VPS13C: variants seen among roughly 807,000 people sequenced by gnomAD.
VPS13C encodes the protein intermembrane lipid transfer protein VPS13C.
A neutral mutation model predicts 456.8 loss-of-function variants in VPS13C; 358 were observed. The ratio of observed to expected loss-of-function variants is 0.78; its 90% CI spans 0.72 to 0.86. The LOEUF (loss-of-function observed/expected upper bound fraction) is 0.86, where lower values mean the gene tolerates loss of function less well. Among genes scored for constraint, VPS13C ranks in the 40% least tolerant of loss-of-function variants. VPS13C has a pLI of 0.00. For missense variants in VPS13C, 4,818 were observed against 4,385.4 expected (o/e 1.10, Z -2.79); for synonymous variants, 1,578 against 1,486.7 (o/e 1.06, Z -1.41).
In VPS13C at chr15:61,876,062, G is replaced by A. The variant is rs150496964; in HGVS notation, c.10225-217C>T. Among the ~76,000 whole-genome samples the A allele has an allele frequency of 0.034, 5,170 of 152,086 alleles. 105 individuals are homozygous for A. Among genetic ancestry groups the A allele is most frequent in the Middle Eastern group, 0.054 (16 of 294 alleles). ...TAAATTAGACAGAACTAGGTTTGAC[G>A]CACAGGCTGCCACGTAGCAGTTATG... On this transcript the variant is annotated intron_variant, in intron 75 of 84. Transcript: ENST00000644861.
chr15:62,033,449 G>A lies in VPS13C; in HGVS notation c.377C>T (p.Ala126Val). ...SRIEEALQKA[A>V]EKGTHSGEFI... ...TCAAAAAAACTTTTTACCTTTTTCT[G>A]CTGCTTTTTGAAGGGCTTCTTCAAT... The change falls in exon 5 of 85, where the codon GCA becomes GTA. Residue 126 changes from alanine (A) to valine (V), a missense_variant. Physicochemically the swap from Ala to Val is moderately conservative, Grantham distance 64 (BLOSUM62 0). This residue lies in a region of VPS13C where 4,552 missense variants were observed against 4,130.6 expected (regional missense o/e 1.10). Coordinates refer to ENST00000644861, the MANE Select transcript of VPS13C (RefSeq NM_020821.3). 6.3e-7 allele frequency: 1 copy of A among 1,597,286 alleles called. No homozygotes were observed. The highest frequency in any genetic ancestry group is 1.7e-4 in the Middle Eastern group (1 of 5,932).
In VPS13C at chr15:61,970,494, T is replaced by G. The variant is rs145474551; in HGVS notation, c.2758-1042A>C. Among the ~76,000 whole-genome samples the G allele has an allele frequency of 1.5e-4, 23 of 152,232 alleles. No individual in the cohort carries two copies. The East Asian group carries it at 4.4e-3, about 29-fold the overall frequency. On this transcript the variant is annotated intron_variant, in intron 27 of 84. Transcript: ENST00000644861. ...TATAATTACATACTTAGGTAACACT[T>G]TAAAAATACTTAAAGAAGAGGCCAA...
At chr15:61,990,096 T>C (rs1029385627) in intron 18 of VPS13C, among the ~76,000 whole-genome samples, 1 of 152,180 alleles carries the variant, frequency 6.6e-6, no homozygotes, top group Non-Finnish European at 1.5e-5. Context: ...ACAACAGGGA[T>C]GAATCTCACA....
chr15:61,875,564 A>T (rs1474608273), intron 76 of VPS13C, among the ~76,000 whole-genome samples, 168 bp downstream of exon 76: 2 of 152,068 alleles, frequency 1.3e-5, no homozygotes, highest in Non-Finnish European at 2.9e-5. Flanking sequence ...ACAATCATCC[A>T]ATGTTATCTC....
Position 61,854,055 on chromosome 15 carries a change from A to C in VPS13C, c.*402T>G, listed in dbSNP as rs533269965. The C allele has an allele frequency of 6.1e-3, 1,042 of 171,206 alleles. 7 individuals are homozygous for C. Among genetic ancestry groups the C allele is most frequent in the South Asian group, 0.03 (221 of 7,294 alleles). The allele number at this position is 171,206 out of a possible 1,614,324, so 10.6% of individuals were successfully genotyped here. The stretch of plus-strand genomic sequence containing the variant: ...AGACTCGGTCTCAAAAAAAAAAAAA[A>C]CCCCAAAAAAACAAAAATAAAAAAA... On this transcript the variant is annotated 3_prime_UTR_variant, in exon 85 of 85. Transcript: ENST00000644861.
At chr15:61,996,203 G>C (rs572666829) in intron 16 of VPS13C, among the ~76,000 whole-genome samples, 1 of 152,272 alleles carries the variant, frequency 6.6e-6, no homozygotes, top group Non-Finnish European at 1.5e-5. Context: ...TTAGCCACAT[G>C]AACTAATATG....
At chr15:61,873,201 T>C in intron 78 of VPS13C, 45 bp downstream of exon 78, 1 of 1,610,024 alleles carries the variant, frequency 6.2e-7, no homozygotes. Flanking sequence ...AGAATACACT[T>C]TTTTTTAAGT....
chr15:62,028,739 C>A (rs2047720370), intron 5 of VPS13C, among the ~76,000 whole-genome samples: 1 of 152,036 alleles, frequency 6.6e-6, no homozygotes, highest in Non-Finnish European at 1.5e-5. Flanking sequence ...CAAAAATCCA[C>A]TATTTTGGTT....
At chr15:61,995,429 G>T (rs1226248874) in intron 16 of VPS13C, among the ~76,000 whole-genome samples, 2 of 152,138 alleles carry the variant, frequency 1.3e-5, no homozygotes, top group African/African-American at 4.8e-5. Context: ...CCTTGAGCAT[G>T]GGCATGACTT....
At position 61,974,306 on chromosome 15, in the gene VPS13C, G is replaced by A; in HGVS notation, c.2520C>T (p.Ala840=). 6.2e-7 allele frequency: 1 copy of A among 1,611,228 alleles called. No individual in the cohort carries two copies. Among genetic ancestry groups the A allele is most frequent in the Non-Finnish European group, 8.5e-7 (1 of 1,178,332 alleles). ...TATTTACCTGTCTCTCTGGAGACTG[G>A]GCTGATGATTTCTGTGGCAAAGGTA... ...NSIPLPQKSS[A]QSPERQVSSI... is the part of the protein sequence containing the mutation. The change falls in exon 25 of 85, where the codon GCC becomes GCT. Residue 840 remains alanine (A), a synonymous_variant. Coordinates refer to ENST00000644861, the MANE Select transcript of VPS13C (RefSeq NM_020821.3).
In VPS13C at chr15:61,875,863, T is replaced by A. The variant is rs774825147; in HGVS notation, c.10225-18A>T. ...TTCAAGAACTAAAAAAGAAAAAAAA[T>A]TAAATTAAGTCCTTCACAACTATTG... On this transcript the variant is annotated intron_variant, in intron 75 of 84. Transcript: ENST00000644861. 1 of 1,452,554 alleles carries A rather than the reference T, an allele frequency of 6.9e-7. No individual in the cohort carries two copies. Among genetic ancestry groups the A allele is most frequent in the Non-Finnish European group, 9.4e-7 (1 of 1,065,808 alleles). The allele number at this position is 1,452,554 out of a possible 1,614,324, so 90.0% of individuals were successfully genotyped here.
At chr15:61,980,235 G>T (rs1171906200) in intron 22 of VPS13C, among the ~76,000 whole-genome samples, 3 of 144,856 alleles carry the variant, frequency 2.1e-5, no homozygotes, top group African/African-American at 7.6e-5. Context: ...ATGAAACATG[G>T]CTTTCCCAGT....
chr15:61,994,080 C>A lies in VPS13C; in HGVS notation c.1354-2278G>T, dbSNP rs546004275. 1.3e-3 allele frequency among the ~76,000 whole-genome samples: 204 copies of A among 152,236 alleles called. 1 individual carries two copies. The highest frequency in any genetic ancestry group is 4.7e-3 in the African/African-American group (195 of 41,538). ...ACCCCCTTGGTGCCTTCACTTCCTT[C>A]TCTGTCCAACTAAGTTGCCCATGGT... On this transcript the variant is annotated intron_variant, in intron 16 of 84. Transcript: ENST00000644861.
At chr15:61,940,852 T>G in intron 46 of VPS13C, 58 bp from the exon 47 acceptor site, 1 of 1,515,072 alleles carries the variant, frequency 6.6e-7, no homozygotes, top group African/African-American at 1.4e-5. Context: ...AAATGAGGAC[T>G]ATCCTATTGT....
intron 3 of VPS13C, among the ~76,000 whole-genome samples, chr15:62,041,078 C>A (rs573267780): frequency 2.0e-5 from 3 of 152,154 alleles, no homozygotes; most frequent in South Asian, 2.1e-4. Context: ...TGTGGTGGAA[C>A]CAAAGCCTGA....
chr15:62,041,216 A>G, intron 3 of VPS13C, 108 bp downstream of exon 3: 1 of 1,198,992 alleles, frequency 8.3e-7, no homozygotes. Context: ...ATGAGGCAAA[A>G]AAAAATCTCT....
intron 67 of VPS13C, among the ~76,000 whole-genome samples, chr15:61,888,993 T>C (rs1387762611): frequency 1.3e-5 from 2 of 152,102 alleles, no homozygotes; most frequent in Admixed American, 6.6e-5. Context: ...TATTTTACAG[T>C]TTTTCTCTAG....
At chr15:61,972,292 GT>G (rs1450620240) in intron 27 of VPS13C, among the ~76,000 whole-genome samples, 1 of 152,130 alleles carries the variant, frequency 6.6e-6, no homozygotes, top group East Asian at 1.9e-4. Context: ...TAGCTTAAAA[GT>G]GAAAAGTTTA....
At chr15:61,956,153 G>T (rs1055124923) in intron 37 of VPS13C, among the ~76,000 whole-genome samples, 1 of 152,094 alleles carries the variant, frequency 6.6e-6, no homozygotes, top group African/African-American at 2.4e-5. Context: ...CCACAGAAAA[G>T]AATGAAATCA....
Sources: allele counts gnomAD v4.1 joint callset (sites outside exome capture counted in the v4.1 genomes callset), GRCh38; gene constraint gnomAD v4.1.1; regional missense constraint gnomAD v4.1.1; transcripts MANE v1.5; gene names NCBI Gene and HGNC (gene_info 2026-07-23, HGNC 2026-07-21).